The following TRIM36 variants were observed in gnomAD, a reference collection of about 807,000 sequenced individuals.
The protein encoded by TRIM36 is tripartite motif containing 36, also known as E3 ubiquitin-protein ligase TRIM36.
TRIM36 carries 42 observed loss-of-function variants against 72.4 expected under a neutral mutation model. The observed-to-expected ratio is 0.58, with a 90% CI of 0.45 to 0.75. The LOEUF (loss-of-function observed/expected upper bound fraction) is 0.75, where lower values mean the gene tolerates loss of function less well. TRIM36 is among the 30% of genes least tolerant of loss of function. The pLI, the probability that TRIM36 is intolerant of heterozygous loss-of-function variation, is 0.00. For synonymous variants in TRIM36, 315 were observed against 282.8 expected, an observed-to-expected ratio of 1.11 and a Z score of -1.14; for missense variants, 913 against 857.1, an observed-to-expected ratio of 1.07 and a Z score of -0.81.
Position 115,137,519 on chromosome 5 carries a change from T to A in TRIM36, c.929A>T (p.Asp310Val), listed in dbSNP as rs773250716. 1.1e-5 allele frequency: 17 copies of A among 1,613,938 alleles called. No individual in the cohort carries two copies. The South Asian group carries it at 1.9e-4, about 18-fold the overall frequency. ...ERKSSVLKAI[D>V]SSKKLRLDKF... ...GTCTAATCTTAGTTTCTTAGAGGAG[T>A]CAATTGCTTTCAAAACAGATGATTT... The change falls in exon 6 of 10, where the codon GAC (aspartate) becomes GTC (valine). Residue 310 changes from aspartate (D) to valine (V), a missense_variant. Transcript: ENST00000513154.
chr5:115,179,431 G>A (rs1231380911), intron 1 of TRIM36, among the ~76,000 whole-genome samples: 1 of 152,228 alleles, frequency 6.6e-6, no homozygotes, highest in African/African-American at 2.4e-5. Flanking sequence ...AGCAGCTAAG[G>A]ACCTGGAAAG....
chr5:115,139,220 A>C (rs1743606120), intron 5 of TRIM36, among the ~76,000 whole-genome samples: 1 of 151,218 alleles, frequency 6.6e-6, no homozygotes, highest in South Asian at 2.1e-4. Context: ...TCCCGGGTTC[A>C]AGCAATTCTC....
chr5:115,152,886 C>T (rs571350942), intron 2 of TRIM36, among the ~76,000 whole-genome samples: 8 of 152,062 alleles, frequency 5.3e-5, no homozygotes, highest in Non-Finnish European at 1.2e-4. Context: ...GAAACAAATC[C>T]TGGAAACGCA....
chr5:115,156,287 A>C (rs1283627586), intron 2 of TRIM36, among the ~76,000 whole-genome samples: 1 of 151,990 alleles, frequency 6.6e-6, no homozygotes, highest in Non-Finnish European at 1.5e-5. Flanking sequence ...TACCACCATC[A>C]TTCATCACAA....
At chr5:115,136,626 GA>G (rs962364725) in intron 7 of TRIM36, among the ~76,000 whole-genome samples, 8 of 149,328 alleles carry the variant, frequency 5.4e-5, no homozygotes, top group South Asian at 4.2e-4. Context: ...GAAAAAAATG[GA>G]AAAAAAAAGT....
At chr5:115,133,742 CTT>C in intron 8 of TRIM36, 116 bp downstream of exon 8, 4 of 1,043,794 alleles carry the variant, frequency 3.8e-6, no homozygotes, top group Non-Finnish European at 5.2e-6. Flanking sequence ...TTTCTGGAGT[CTT>C]TTAAAAACAA....
At chr5:115,169,461 G>A in intron 1 of TRIM36, 147 bp downstream of exon 1, 3 of 897,910 alleles carry the variant, frequency 3.3e-6, no homozygotes, top group East Asian at 3.1e-5. Context: ...CCGGGCGGGA[G>A]AAGGCGAAGA....
chr5:115,169,617 T>G lies in TRIM36; in HGVS notation c.18A>C (p.Ser6=). 6.6e-7 allele frequency: 1 copy of G among 1,523,398 alleles called. No individual in the cohort carries two copies. Among genetic ancestry groups the G allele is most frequent in the East Asian group, 2.5e-5 (1 of 40,244 alleles). The allele number at this position is 1,523,398 out of a possible 1,614,324, so 94.4% of individuals were successfully genotyped here. ...TCCCCTCCGCACTCACCGGCGAATC[T>G]GAGCCATCGCCCTCCATGGCTGCCT... is the stretch of plus-strand genomic sequence containing the variant. MEGDG[S]DSPVTIKNIE... The change falls in exon 1 of 10, where the codon TCA becomes TCC. Residue 6 remains serine (S), a synonymous_variant. Coordinates refer to ENST00000513154, the MANE Select transcript of TRIM36 (RefSeq NM_001300759.2).
chr5:115,151,961 A>T (rs753474758), intron 2 of TRIM36, among the ~76,000 whole-genome samples: 66 of 152,208 alleles, frequency 4.3e-4, no homozygotes, highest in Non-Finnish European at 7.6e-4. Flanking sequence ...TAATATGACA[A>T]AACAAGGTTA....
At chr5:115,161,851 GGA>G (rs35913528) in intron 2 of TRIM36, among the ~76,000 whole-genome samples, 28,207 of 152,136 alleles carry the variant, frequency 0.19, 2,820 homozygotes, top group East Asian at 0.26. Context: ...CTAAAATGAA[GGA>G]GAGTCCTATA....
Position 115,124,888 on chromosome 5 carries a change from G to A in TRIM36, c.*1615C>T, listed in dbSNP as rs1166397986. On this transcript the variant is annotated 3_prime_UTR_variant, in exon 10 of 10. Coordinates refer to ENST00000513154, the MANE Select transcript of TRIM36 (RefSeq NM_001300759.2). ...ACATTTAAAAATGTCTACATCATAT[G>A]TGCTTGTACAAGGCTTGAGTATCAA... The A allele has an allele frequency of 6.6e-6, 1 of 152,464 alleles. No homozygotes were observed. The highest frequency in any genetic ancestry group is 1.5e-5 in the Non-Finnish European group (1 of 67,934). The allele number at this position is 152,464 out of a possible 1,614,324, so 9.4% of individuals were successfully genotyped here. A position where few individuals can be genotyped will look rare whatever the true frequency, so the allele number is the denominator to read the frequency against.
At chr5:115,131,741 G>A (rs974570096) in intron 8 of TRIM36, among the ~76,000 whole-genome samples, 2 of 152,114 alleles carry the variant, frequency 1.3e-5, no homozygotes, top group Admixed American at 1.3e-4. Context: ...GATAAATTTC[G>A]ATACATGCTA....
intron 1 of TRIM36, among the ~76,000 whole-genome samples, chr5:115,165,283 T>C (rs1754701560): frequency 6.6e-6 from 1 of 152,222 alleles, no homozygotes; most frequent in Non-Finnish European, 1.5e-5. Flanking sequence ...GGACTCTGTG[T>C]GGCGGCTTAT....
At chr5:115,159,277 C>CATT (rs1287369857) in intron 2 of TRIM36, among the ~76,000 whole-genome samples, 1 of 152,118 alleles carries the variant, frequency 6.6e-6, no homozygotes, top group African/African-American at 2.4e-5. Context: ...CATAAGAAAG[C>CATT]ATTAGCTTAT....
Position 115,126,537 on chromosome 5 carries a change from G to C in TRIM36, c.2117C>G (p.Thr706Arg), listed in dbSNP as rs1752365068. The C allele has an allele frequency of 6.2e-7, 1 of 1,611,180 alleles. No individual in the cohort carries two copies. The highest frequency in any genetic ancestry group is 2.2e-5 in the East Asian group (1 of 44,798). The change falls in exon 10 of 10, where the codon ACA (threonine) becomes AGA (arginine). Residue 706 changes from threonine to arginine, a missense_variant. By Grantham distance (71) the Thr-to-Arg change is moderately conservative (BLOSUM62 -1). Coordinates refer to ENST00000513154, the MANE Select transcript of TRIM36 (RefSeq NM_001300759.2). Reference protein sequence around the residue: ...SGGIQLEEPITAKYLEYQEDM With the variant: ...SGGIQLEEPIRAKYLEYQEDM ...CTCTTGGTATTCCAGATATTTTGCTGTGATGGGTTCTTCAAGCTGAATTCC... is the reference window on the plus strand; with the variant it reads ...CTCTTGGTATTCCAGATATTTTGCTCTGATGGGTTCTTCAAGCTGAATTCC...
Position 115,130,624 on chromosome 5 carries a change from C to T in TRIM36, c.1764G>A (p.Trp588Ter). 6.2e-7 allele frequency: 1 copy of T among 1,614,120 alleles called. No individual in the cohort carries two copies. The highest frequency in any genetic ancestry group is 8.5e-7 in the Non-Finnish European group (1 of 1,180,000). ...GVASSDKLQE[W>*]LRSPRDAVSP... ...TAACTGCATCCCGGGGAGAACGGAG[C>T]CATTCTTGTAGTTTATCGCTAGAAG... The change falls in exon 9 of 10, where the codon TGG (tryptophan) becomes TGA (stop). Residue 588 changes from tryptophan (W) to a stop codon, truncating the protein, a stop_gained. Transcript: ENST00000513154. LOFTEE classifies it high-confidence loss of function.
rs116154214 is a variant in TRIM36, at chr5:115,134,890, C to T, written c.1211-743G>A. Among the ~76,000 whole-genome samples the T allele has an allele frequency of 3.4e-3, 510 of 152,136 alleles. 1 individual carries two copies. The highest frequency in any genetic ancestry group is 9.5e-3 in the African/African-American group (396 of 41,502). The stretch of plus-strand genomic sequence containing the variant: ...TTGCATAGTTTATTCTGTAGAGTTG[C>T]AAAGCAAATTAATTTTTCTAAATAA... On this transcript the variant is annotated intron_variant, in intron 7 of 9. Coordinates refer to ENST00000513154, the MANE Select transcript of TRIM36 (RefSeq NM_001300759.2).
upstream of TRIM36, among the ~76,000 whole-genome samples, chr5:115,174,556 T>C (rs1011976014): frequency 6.6e-6 from 1 of 152,192 alleles, no homozygotes; most frequent in Non-Finnish European, 1.5e-5. Flanking sequence ...TCATAAAGTG[T>C]TTCTATGGGA....
At chr5:115,144,307 G>C (rs911673960) in intron 4 of TRIM36, among the ~76,000 whole-genome samples, 2 of 152,072 alleles carry the variant, frequency 1.3e-5, no homozygotes, top group African/African-American at 2.4e-5. Context: ...CATTATCATA[G>C]ACATTGGGCT....
Sources: gnomAD v4.1 joint callset for allele counts (sites outside exome capture counted in the v4.1 genomes callset) on GRCh38, gnomAD v4.1.1 for gene constraint, MANE v1.5 for transcripts, NCBI Gene and HGNC (gene_info 2026-07-23, HGNC 2026-07-21) for gene names.